Variants in SMYD3 observed in about 807,000 individuals in gnomAD.
SMYD3 encodes SET and MYND domain containing 3.
Under a neutral mutation model 57.7 loss-of-function variants are expected in SMYD3, and 36 were observed. That is an observed-to-expected ratio of 0.62 (90% confidence interval 0.48 to 0.82). The LOEUF (loss-of-function observed/expected upper bound fraction) is 0.82, where lower values mean the gene tolerates loss of function less well. Ranked by LOEUF, SMYD3 falls within the 40% of genes least tolerant of loss-of-function variation. SMYD3 has a pLI of 0.00. For synonymous variants in SMYD3, 211 were observed against 195.0 expected (o/e 1.08, Z -0.68); for missense variants, 515 against 538.8 (o/e 0.96, Z 0.44).
chr1:246,468,797 A>T (rs1043369019), intron 1 of SMYD3, among the ~76,000 whole-genome samples: 8 of 152,140 alleles, frequency 5.3e-5, no homozygotes, highest in African/African-American at 1.7e-4. Flanking sequence ...ACAACAAAGC[A>T]AGACATTACC....
At chr1:246,223,686 C>T (rs2063288172) in intron 5 of SMYD3, among the ~76,000 whole-genome samples, 2 of 152,176 alleles carry the variant, frequency 1.3e-5, no homozygotes, top group South Asian at 2.1e-4. Flanking sequence ...TGAAGGGACA[C>T]AAAGATTTGA....
chr1:246,405,988 A>ACAGT (rs1451009278), intron 1 of SMYD3, among the ~76,000 whole-genome samples: 1 of 152,114 alleles, frequency 6.6e-6, no homozygotes, highest in Non-Finnish European at 1.5e-5. Context: ...AATCGCTGCA[A>ACAGT]CAGTCTGTTA....
In SMYD3 at chr1:245,977,025, A is replaced by AGCCCAGGGAAAGCCATCGTCTCCG. The variant is rs1300573263; in HGVS notation, c.532-47112_532-47089dup. Among the ~76,000 whole-genome samples the AGCCCAGGGAAAGCCATCGTCTCCG allele has an allele frequency of 1.0e-3, 32 of 30,848 alleles. 3 individuals are homozygous for AGCCCAGGGAAAGCCATCGTCTCCG. Among genetic ancestry groups the AGCCCAGGGAAAGCCATCGTCTCCG allele is most frequent in the East Asian group, 4.8e-3 (3 of 624 alleles). The allele number at this position is 30,848 out of a possible 152,430, so 20.2% of individuals were successfully genotyped here. On this transcript the variant is annotated intron_variant, in intron 5 of 11. Coordinates refer to ENST00000490107, the MANE Select transcript of SMYD3 (RefSeq NM_001167740.2). ...TAGCCCAGGGAAAGCCATCGTCTCTAGCCCAGGGAAAGCCATCGTCTCCGG... is the reference window on the plus strand; with the variant it reads ...TAGCCCAGGGAAAGCCATCGTCTCTAGCCCAGGGAAAGCCATCGTCTCCGGCCCAGGGAAAGCCATCGTCTCCGG...
intron 5 of SMYD3, among the ~76,000 whole-genome samples, chr1:246,002,987 A>G (rs1411195484): frequency 1.3e-5 from 2 of 152,168 alleles, no homozygotes; most frequent in Non-Finnish European, 2.9e-5. Context: ...ATCTCAGTTT[A>G]CCACCGCACG....
At chr1:246,406,841 G>A (rs536295851) in intron 1 of SMYD3, among the ~76,000 whole-genome samples, 10 of 152,314 alleles carry the variant, frequency 6.6e-5, no homozygotes, top group African/African-American at 2.4e-4. Context: ...ATATGCAGCA[G>A]TCCTCCCTTC....
intron 8 of SMYD3, among the ~76,000 whole-genome samples, chr1:245,891,631 G>A (rs151082314): frequency 1.3e-5 from 2 of 152,332 alleles, no homozygotes; most frequent in East Asian, 1.9e-4. Context: ...AGGACAGCAC[G>A]AGTAGTGATG....
intron 5 of SMYD3, among the ~76,000 whole-genome samples, chr1:246,044,478 T>C (rs1173436034): frequency 1.3e-5 from 2 of 152,178 alleles, no homozygotes; most frequent in Admixed American, 6.5e-5. Context: ...ATGGGTTGTT[T>C]GGGCAAGAAA....
At chr1:246,464,615 C>CCCT (rs950158743) in intron 1 of SMYD3, among the ~76,000 whole-genome samples, 5 of 152,174 alleles carry the variant, frequency 3.3e-5, no homozygotes, top group African/African-American at 1.2e-4. Context: ...AGGGTTTAGC[C>CCCT]CCTCCTCTCC....
intron 5 of SMYD3, among the ~76,000 whole-genome samples, chr1:245,943,067 A>G (rs2057306966): frequency 6.6e-6 from 1 of 151,760 alleles, no homozygotes; most frequent in Admixed American, 6.6e-5. Flanking sequence ...ACATCACACA[A>G]CTAAAAGAAC....
chr1:245,901,158 C>T (rs963995406), intron 8 of SMYD3, among the ~76,000 whole-genome samples: 2 of 152,114 alleles, frequency 1.3e-5, no homozygotes, highest in Admixed American at 1.3e-4. Context: ...GGTATACTGG[C>T]AGGAGCATTA....
chr1:246,063,165 G>A (rs1332996928), intron 5 of SMYD3, among the ~76,000 whole-genome samples: 1 of 152,164 alleles, frequency 6.6e-6, no homozygotes, highest in Non-Finnish European at 1.5e-5. Flanking sequence ...AGTCAGCAAG[G>A]GGAAAGGCAC....
At chr1:245,752,859 T>C (rs552422292) in intron 11 of SMYD3, among the ~76,000 whole-genome samples, 1 of 152,326 alleles carries the variant, frequency 6.6e-6, no homozygotes, top group East Asian at 1.9e-4. Context: ...AAGTGCTTCC[T>C]GAGGTCACCT....
chr1:246,072,804 G>A (rs1461314207), intron 5 of SMYD3, among the ~76,000 whole-genome samples: 1 of 137,422 alleles, frequency 7.3e-6, no homozygotes, highest in Non-Finnish European at 1.5e-5. Flanking sequence ...AGATGAGACA[G>A]ACTTTTCTTC....
At chr1:245,943,445 T>C (rs2057326188) in intron 5 of SMYD3, among the ~76,000 whole-genome samples, 1 of 152,014 alleles carries the variant, frequency 6.6e-6, no homozygotes, top group Non-Finnish European at 1.5e-5. Context: ...CAGGAAGAAG[T>C]AGAATCTGAA....
intron 5 of SMYD3, among the ~76,000 whole-genome samples, chr1:246,289,513 C>T (rs1000304335): frequency 6.6e-6 from 1 of 152,196 alleles, no homozygotes; most frequent in Non-Finnish European, 1.5e-5. Context: ...GTTAATACAT[C>T]TTTGGCATTT....
At chr1:246,250,526 A>G (rs982100334) in intron 5 of SMYD3, among the ~76,000 whole-genome samples, 23 of 152,296 alleles carry the variant, frequency 1.5e-4, no homozygotes, top group African/African-American at 4.1e-4. Flanking sequence ...GACCACTACA[A>G]AAGCTGCTCA....
At position 245,858,606 on chromosome 1, in the gene SMYD3, A is replaced by G; in HGVS notation, c.966T>C (p.Asp322=). The change falls in exon 10 of 12, where the codon GAT becomes GAC. Residue 322 remains aspartate (D), a synonymous_variant. Transcript: ENST00000490107. ...IISSNSERLP[D]INIYQLKVLD... ...GCACCTTCAGCTGGTAGATGTTGATATCGGGAAGCCGTTCAGAATTGCTGC... is the reference window on the plus strand; with the variant it reads ...GCACCTTCAGCTGGTAGATGTTGATGTCGGGAAGCCGTTCAGAATTGCTGC... 1.9e-6 allele frequency: 3 copies of G among 1,614,236 alleles called. No homozygotes were observed. Among genetic ancestry groups the G allele is most frequent in the Non-Finnish European group, 2.5e-6 (3 of 1,180,040 alleles).
At chr1:246,256,794 G>A (rs2063902849) in intron 5 of SMYD3, among the ~76,000 whole-genome samples, 1 of 152,118 alleles carries the variant, frequency 6.6e-6, no homozygotes, top group Non-Finnish European at 1.5e-5. Context: ...ACTTCCTGCG[G>A]TAGGTATTTA....
intron 5 of SMYD3, 142 bp downstream of exon 5, chr1:246,327,059 A>G (rs2065364915): frequency 2.1e-6 from 2 of 938,810 alleles, no homozygotes; most frequent in Non-Finnish European, 3.4e-6. Flanking sequence ...CTCATGCTCT[A>G]CTCACTATGA....
Sources: allele counts gnomAD v4.1 joint callset (sites outside exome capture counted in the v4.1 genomes callset), GRCh38; gene constraint gnomAD v4.1.1; transcripts MANE v1.5; gene names NCBI Gene and HGNC (gene_info 2026-07-23, HGNC 2026-07-21).